The following DLGAP2 variants were observed in gnomAD, a reference collection of about 807,000 sequenced individuals.
DLGAP2 encodes the protein disks large-associated protein 2.
A neutral mutation model predicts 100.3 loss-of-function variants in DLGAP2; 26 were observed. The observed-to-expected ratio is 0.26, with a 90% CI of 0.19 to 0.36. The LOEUF (loss-of-function observed/expected upper bound fraction) is 0.36. Ranked by LOEUF, DLGAP2 falls within the 10% of genes least tolerant of loss-of-function variation. DLGAP2 has a pLI of 1.00. For synonymous variants in DLGAP2, 886 were observed against 630.1 expected, an observed-to-expected ratio of 1.41 and a Z score of -6.08; for missense variants, 1,858 against 1,453.2, an observed-to-expected ratio of 1.28 and a Z score of -4.53.
chr8:774,489 G>A (rs1206911366), intron 1 of DLGAP2, among the ~76,000 whole-genome samples: 20 of 151,698 alleles, frequency 1.3e-4, no homozygotes, highest in Admixed American at 5.3e-4. Context: ...TAGGTCTAAC[G>A]TTTAAGTCTT....
At chr8:1,340,184 T>A (rs573128086) in intron 3 of DLGAP2, among the ~76,000 whole-genome samples, 1 of 152,260 alleles carries the variant, frequency 6.6e-6, no homozygotes, top group African/African-American at 2.4e-5. Flanking sequence ...TGGCAAAGAT[T>A]TCATGACAGA....
chr8:1,601,787 T>A (rs567224465), intron 6 of DLGAP2, among the ~76,000 whole-genome samples: 1 of 152,200 alleles, frequency 6.6e-6, no homozygotes, highest in African/African-American at 2.4e-5. Context: ...GTCTTTGGAG[T>A]TGCTGTTTCC....
intron 4 of DLGAP2, among the ~76,000 whole-genome samples, chr8:1,524,497 C>T (rs1270659981): frequency 6.6e-6 from 1 of 152,168 alleles, no homozygotes; most frequent in Non-Finnish European, 1.5e-5. Context: ...CTCCCATGTC[C>T]TGGAGGCTGC....
At chr8:1,517,428 C>G (rs1364735977) in intron 4 of DLGAP2, among the ~76,000 whole-genome samples, 1 of 152,146 alleles carries the variant, frequency 6.6e-6, no homozygotes, top group Non-Finnish European at 1.5e-5. Context: ...TCCTGCAACA[C>G]CTTACGTCTC....
At chr8:1,244,012 A>G (rs1234086746) in intron 2 of DLGAP2, among the ~76,000 whole-genome samples, 1 of 151,390 alleles carries the variant, frequency 6.6e-6, no homozygotes, top group African/African-American at 2.4e-5. Context: ...CAGCCTCTGC[A>G]CTCCACCATA....
At chr8:1,528,532 C>G (rs934226664) in intron 4 of DLGAP2, among the ~76,000 whole-genome samples, 1 of 152,244 alleles carries the variant, frequency 6.6e-6, no homozygotes, top group African/African-American at 2.4e-5. Flanking sequence ...TGTAGATTCT[C>G]AGGGCCCACC....
chr8:1,632,810 G>A lies in DLGAP2; in HGVS notation c.1591-17G>A, dbSNP rs963555125. The A allele has an allele frequency of 6.3e-7, 1 of 1,592,394 alleles. No homozygotes were observed. Among genetic ancestry groups the A allele is most frequent in the African/African-American group, 1.3e-5 (1 of 74,854 alleles). ...CCTGGAGGGCCGGGGCATCACGTGT[G>A]CTGTTGATGATTGCAGGTGAGCGAG... On this transcript the variant is annotated splice_polypyrimidine_tract_variant and intron_variant, in intron 7 of 14. Transcript: ENST00000637795.
chr8:739,659 C>G (rs1820432624), intron 1 of DLGAP2: 1 of 152,220 alleles, frequency 6.6e-6, no homozygotes, highest in African/African-American at 2.4e-5. Context: ...TGTCATTAAT[C>G]AGGATTTTCC....
chr8:1,353,559 AT>A (rs1337816378), intron 3 of DLGAP2, among the ~76,000 whole-genome samples: 1 of 152,212 alleles, frequency 6.6e-6, no homozygotes, highest in Non-Finnish European at 1.5e-5. Flanking sequence ...GCTGTATTAA[AT>A]GCATTTTTGA....
intron 2 of DLGAP2, among the ~76,000 whole-genome samples, chr8:1,242,862 G>A (rs567532676): frequency 9.9e-5 from 15 of 151,980 alleles, no homozygotes; most frequent in Admixed American, 2.6e-4. Flanking sequence ...GCAGATGGAC[G>A]GATGTGTGGA....
intron 3 of DLGAP2, among the ~76,000 whole-genome samples, chr8:1,442,910 T>C (rs1163340100): frequency 1.3e-5 from 2 of 152,260 alleles, no homozygotes; most frequent in African/African-American, 2.4e-5. Flanking sequence ...TTGTATGACA[T>C]AAATTTGCTT....
At chr8:1,583,282 C>G (rs1264065201) in intron 6 of DLGAP2, among the ~76,000 whole-genome samples, 1 of 152,168 alleles carries the variant, frequency 6.6e-6, no homozygotes, top group Non-Finnish European at 1.5e-5. Flanking sequence ...AAGTGAGTAA[C>G]CAAGAGAACA....
intron 4 of DLGAP2, among the ~76,000 whole-genome samples, chr8:1,537,927 T>A (rs1801212187): frequency 1.3e-5 from 2 of 152,080 alleles, no homozygotes; most frequent in Non-Finnish European, 2.9e-5. Context: ...TTACAATGGG[T>A]CTTAAAGATG....
At chr8:1,288,552 GTGTGT>G (rs1250596924) in intron 3 of DLGAP2, among the ~76,000 whole-genome samples, 41 of 48,838 alleles carry the variant, frequency 8.4e-4, no homozygotes, top group East Asian at 7.4e-3. Context: ...GTGTGTGTGT[GTGTGT>G]GTGGTTAGGA....
At chr8:791,976 G>C (rs927358923) in intron 1 of DLGAP2, among the ~76,000 whole-genome samples, 13 of 152,194 alleles carry the variant, frequency 8.5e-5, no homozygotes, top group African/African-American at 2.9e-4. Context: ...TCACGGTGCA[G>C]CTGTCACTGC....
chr8:1,422,113 C>G (rs769672178), intron 3 of DLGAP2, among the ~76,000 whole-genome samples: 13 of 152,156 alleles, frequency 8.5e-5, no homozygotes, highest in African/African-American at 3.1e-4. Context: ...AGCACCTGGA[C>G]AAGGTGTGTA....
At chr8:1,209,851 C>T (rs1331776557) in intron 2 of DLGAP2, among the ~76,000 whole-genome samples, 2 of 152,172 alleles carry the variant, frequency 1.3e-5, no homozygotes, top group Non-Finnish European at 2.9e-5. Context: ...CCACAGAAGC[C>T]ACTCAGAACG....
intron 2 of DLGAP2, among the ~76,000 whole-genome samples, chr8:1,184,540 A>T (rs1195238741): frequency 6.6e-6 from 1 of 152,146 alleles, no homozygotes; most frequent in Admixed American, 6.5e-5. Flanking sequence ...GGAAATCATC[A>T]CTGCGAATTC....
chr8:1,705,395 G>T lies in DLGAP2; in HGVS notation c.*3989G>T, dbSNP rs1799679492. 6.6e-6 allele frequency: 1 copy of T among 152,220 alleles called. No homozygotes were observed. The highest frequency in any genetic ancestry group is 6.5e-5 in the Admixed American group (1 of 15,284). The allele number at this position is 152,220 out of a possible 1,614,324, so 9.4% of individuals were successfully genotyped here. A position where few individuals can be genotyped will look rare whatever the true frequency, so the allele number is the denominator to read the frequency against. ...CCCGGGGTGTTTCAGTGGACAGGAG[G>T]CCCCCGTGCCGTGGCTGAGTCAGCC... On this transcript the variant is annotated 3_prime_UTR_variant, in exon 15 of 15. Transcript: ENST00000637795.
Sources: allele counts gnomAD v4.1 joint callset (sites outside exome capture counted in the v4.1 genomes callset), GRCh38; gene constraint gnomAD v4.1.1; transcripts MANE v1.5; gene names NCBI Gene and HGNC (gene_info 2026-07-23, HGNC 2026-07-21).